RASGRF2: variants seen among roughly 807,000 people sequenced by gnomAD.
RASGRF2 encodes ras-specific guanine nucleotide-releasing factor 2.
Under a neutral mutation model 151.0 loss-of-function variants are expected in RASGRF2, and 76 were observed. The ratio of observed to expected loss-of-function variants is 0.50; its 90% CI spans 0.42 to 0.61. The LOEUF (loss-of-function observed/expected upper bound fraction) is 0.61. Ranked by LOEUF, RASGRF2 falls within the 20% of genes least tolerant of loss-of-function variation. The probability of loss-of-function intolerance (pLI) is 0.00; values close to 1 mark genes in which losing one functional copy is unlikely to be tolerated. For synonymous variants in RASGRF2, 504 were observed against 566.5 expected (o/e 0.89, Z 1.57); for missense variants, 1,148 against 1,564.6 (o/e 0.73, Z 4.49).
chr5:81,133,784 T>TA, intron 17 of RASGRF2, among the ~76,000 whole-genome samples: 1 of 152,346 alleles, frequency 6.6e-6, no homozygotes, highest in East Asian at 1.9e-4. Flanking sequence ...ATGACACTGT[T>TA]ACAATTGCTT....
At chr5:80,962,327 T>C (rs1487594154) in intron 1 of RASGRF2, among the ~76,000 whole-genome samples, 3 of 152,330 alleles carry the variant, frequency 2.0e-5, no homozygotes, top group Admixed American at 6.5e-5. Context: ...ACTAGAAATA[T>C]AAACATAAAT....
chr5:81,066,959 A>T (rs1751625945), intron 2 of RASGRF2, among the ~76,000 whole-genome samples: 1 of 152,218 alleles, frequency 6.6e-6, no homozygotes, highest in African/African-American at 2.4e-5. Context: ...CTTCCGCTGC[A>T]ACATTCTTGT....
Position 80,960,688 on chromosome 5 carries a change from C to T in RASGRF2, c.-51C>T. The T allele has an allele frequency of 7.2e-7, 1 of 1,384,312 alleles. No homozygotes were observed. The highest frequency in any genetic ancestry group is 9.5e-7 in the Non-Finnish European group (1 of 1,054,024). 85.8% of individuals were successfully genotyped at this position (1,384,312 alleles called of 1,614,324 possible). ...GAGGGAGCCAGCTGGGCCATGGCCG[C>T]GAGGCAGGGGTGAGACCGGCGGCCA... On this transcript the variant is annotated 5_prime_UTR_variant, in exon 1 of 27. Transcript: ENST00000265080. This position sits in a 1 kb window ranked among gnomAD's most constrained non-coding sequence, Gnocchi z 5.5.
chr5:81,122,715 G>A (rs944245094), intron 15 of RASGRF2, among the ~76,000 whole-genome samples: 3 of 152,160 alleles, frequency 2.0e-5, no homozygotes, highest in African/African-American at 4.8e-5. Context: ...TGGAAGAATC[G>A]TTGGAAATGT....
chr5:81,044,916 A>T (rs1186734564), intron 2 of RASGRF2, among the ~76,000 whole-genome samples: 1 of 152,000 alleles, frequency 6.6e-6, no homozygotes, highest in East Asian at 1.9e-4. Context: ...AGAAGATGTT[A>T]TTTGCAAAAT....
At chr5:81,142,501 T>C (rs530664764) in intron 17 of RASGRF2, among the ~76,000 whole-genome samples, 2 of 152,322 alleles carry the variant, frequency 1.3e-5, no homozygotes, top group East Asian at 3.9e-4. Flanking sequence ...AAGGTCAAAA[T>C]GTTGGCTGCA....
At chr5:81,052,675 G>A (rs1050841634) in intron 2 of RASGRF2, among the ~76,000 whole-genome samples, 3 of 152,162 alleles carry the variant, frequency 2.0e-5, no homozygotes, top group Admixed American at 6.5e-5. Context: ...TGACAGGAGA[G>A]AACTTGAGAA....
intron 2 of RASGRF2, among the ~76,000 whole-genome samples, chr5:81,064,331 C>G (rs1434631707): frequency 6.6e-6 from 1 of 152,182 alleles, no homozygotes; most frequent in Non-Finnish European, 1.5e-5. Flanking sequence ...CAAAGCAAAC[C>G]AGCAAGACAG....
At chr5:81,151,411 G>A (rs1465052771) in intron 17 of RASGRF2, among the ~76,000 whole-genome samples, 1 of 146,726 alleles carries the variant, frequency 6.8e-6, no homozygotes, top group Non-Finnish European at 1.5e-5. Flanking sequence ...TTGAGATGGA[G>A]TCTCGCTCTG....
intron 1 of RASGRF2, among the ~76,000 whole-genome samples, chr5:81,000,381 A>G (rs748530975): frequency 3.9e-5 from 6 of 152,188 alleles, no homozygotes; most frequent in Non-Finnish European, 8.8e-5. Flanking sequence ...AGTTAGGATT[A>G]CAGGTGCCTA....
intron 13 of RASGRF2, among the ~76,000 whole-genome samples, chr5:81,111,383 C>T (rs1004567994): frequency 6.6e-6 from 1 of 152,092 alleles, no homozygotes; most frequent in Non-Finnish European, 1.5e-5. Flanking sequence ...GTGAGGGGTT[C>T]GGGGCAGCCA....
intron 9 of RASGRF2, among the ~76,000 whole-genome samples, chr5:81,089,826 T>G (rs1340778436): frequency 6.6e-6 from 1 of 152,220 alleles, no homozygotes; most frequent in African/African-American, 2.4e-5. Flanking sequence ...AATGAGCTAA[T>G]GCTCACAAAA....
In RASGRF2 at chr5:81,073,433, A is replaced by T; in HGVS notation, c.868A>T (p.Ser290Cys). ...KKPPISHDDVSSIFLNSETIM... is the reference protein window; with the variant it reads ...KKPPISHDDVCSIFLNSETIM... ...GCCCCCCATCAGCCACGACGACGTC[A>T]GCAGTATTTTTCTTAACAGGTTTGA... The change falls in exon 5 of 27, where the codon AGC (serine) becomes TGC (cysteine). Residue 290 changes from serine to cysteine, a missense_variant. Physicochemically the swap from Ser to Cys is moderately radical, Grantham distance 112. Coordinates refer to ENST00000265080, the MANE Select transcript of RASGRF2 (RefSeq NM_006909.3). The T allele has an allele frequency of 2.5e-6, 4 of 1,614,148 alleles. No homozygotes were observed. Among genetic ancestry groups the T allele is most frequent in the Non-Finnish European group, 2.5e-6 (3 of 1,180,026 alleles).
chr5:81,039,365 A>G (rs1370468048), intron 1 of RASGRF2, among the ~76,000 whole-genome samples: 2 of 152,160 alleles, frequency 1.3e-5, no homozygotes, highest in Non-Finnish European at 2.9e-5. Context: ...TAACCAAAAG[A>G]CAAAATTAGA....
intron 1 of RASGRF2, among the ~76,000 whole-genome samples, chr5:81,029,566 ACATACCTG>A (rs1750162930): frequency 6.6e-6 from 1 of 152,232 alleles, no homozygotes. Context: ...GCAAACTCCA[ACATACCTG>A]CAGCTGAGGG....
intron 1 of RASGRF2, among the ~76,000 whole-genome samples, chr5:80,964,350 G>A (rs924406425): frequency 2.6e-5 from 4 of 152,046 alleles, no homozygotes; most frequent in Admixed American, 1.3e-4. Flanking sequence ...AAAACCTCCC[G>A]TTTTGTTCCA....
At chr5:81,207,789 C>T (rs1331455458) in intron 21 of RASGRF2, among the ~76,000 whole-genome samples, 2 of 152,196 alleles carry the variant, frequency 1.3e-5, no homozygotes, top group African/African-American at 2.4e-5. Flanking sequence ...ACATGCGGTA[C>T]AAGCCTAAAA....
chr5:81,109,004 C>T lies in RASGRF2; in HGVS notation c.1764C>T (p.Asp588=). 1 of 1,608,562 alleles carries T rather than the reference C, an allele frequency of 6.2e-7. No homozygotes were observed. Among genetic ancestry groups the T allele is most frequent in the Non-Finnish European group, 8.5e-7 (1 of 1,175,886 alleles). Residue 588 remains aspartate (D), a synonymous_variant, in exon 13 of 27, where the codon GAC becomes GAT. Coordinates refer to ENST00000265080, the MANE Select transcript of RASGRF2 (RefSeq NM_006909.3). Reference sequence around the variant, plus strand: ...AACTTTTTATTTCACAGTGTGTGGACAATATACGATGTAATGGTTTAATGA... The same window carrying T: ...AACTTTTTATTTCACAGTGTGTGGATAATATACGATGTAATGGTTTAATGA... ...AWMSDISQCV[D]NIRCNGLMTI...
intron 1 of RASGRF2, 45 bp from the exon 2 acceptor site, chr5:81,042,832 C>T: frequency 2.2e-6 from 3 of 1,385,352 alleles, no homozygotes; most frequent in Admixed American, 3.9e-5. Flanking sequence ...TGCTGTTGTG[C>T]TTGAAAAATA....
Sources: gnomAD v4.1 joint callset for allele counts (sites outside exome capture counted in the v4.1 genomes callset) on GRCh38, gnomAD v4.1.1 for gene constraint, Gnocchi (gnomAD v3.1) non-coding constraint, MANE v1.5 for transcripts, NCBI Gene and HGNC (gene_info 2026-07-23, HGNC 2026-07-21) for gene names.